The following ZBBX variants were observed in gnomAD, a reference collection of about 807,000 sequenced individuals.
ZBBX encodes zinc finger B-box domain containing.
In ZBBX, 101 loss-of-function variants were observed where a neutral mutation model predicts 108.5. The ratio of observed to expected loss-of-function variants is 0.93; its 90% CI spans 0.79 to 1.10. ZBBX has a LOEUF of 1.10. Among genes scored for constraint, ZBBX ranks in the 50% least tolerant of loss-of-function variants. ZBBX has a pLI of 0.00. For synonymous variants in ZBBX, 356 were observed against 323.4 expected, an observed-to-expected ratio of 1.10 and a Z score of -1.08; for missense variants, 1,009 against 941.4, an observed-to-expected ratio of 1.07 and a Z score of -0.94.
chr3:167,313,113 A>C lies in ZBBX; in HGVS notation c.1417+861T>G, dbSNP rs189072032. ...GACAGTGATTTAAAGGCACAAATGGAAACAAAATCTGACTCCTAGGCCAGG... is the reference window on the plus strand; with the variant it reads ...GACAGTGATTTAAAGGCACAAATGGCAACAAAATCTGACTCCTAGGCCAGG... On this transcript the variant is annotated intron_variant, in intron 16 of 21. Coordinates refer to ENST00000675490, the MANE Select transcript of ZBBX (RefSeq NM_001199201.2). Among the ~76,000 whole-genome samples, 67 of 152,296 alleles carry C rather than the reference A, an allele frequency of 4.4e-4. No homozygotes were observed. The East Asian group carries it at 4.8e-3, about 11-fold the overall frequency.
intron 18 of ZBBX, among the ~76,000 whole-genome samples, chr3:167,290,436 A>G (rs1576905586): frequency 6.6e-6 from 1 of 152,180 alleles, no homozygotes; most frequent in African/African-American, 2.4e-5. Context: ...AACTCCAGCA[A>G]ACACCAGCAG....
At chr3:167,232,215 T>C in the ZBBX span, among the ~76,000 whole-genome samples, 1 of 151,826 alleles carries the variant, frequency 6.6e-6, no homozygotes, top group African/African-American at 2.4e-5. Context: ...ATGAACTGTG[T>C]TTCACTAATA....
chr3:167,326,232 T>C (rs80339743), intron 11 of ZBBX, among the ~76,000 whole-genome samples: 1 of 152,170 alleles, frequency 6.6e-6, no homozygotes, highest in Non-Finnish European at 1.5e-5. Context: ...AGATGGCCAG[T>C]TGCCCATTAC....
intron 9 of ZBBX, among the ~76,000 whole-genome samples, chr3:167,350,106 GTGTT>G (rs1742368992): frequency 6.6e-6 from 1 of 151,890 alleles, no homozygotes; most frequent in Non-Finnish European, 1.5e-5. Flanking sequence ...AATAACCTAT[GTGTT>G]CATTTGAAAT....
intron 20 of ZBBX, among the ~76,000 whole-genome samples, chr3:167,246,478 T>C (rs1364064710): frequency 2.0e-5 from 3 of 152,214 alleles, no homozygotes; most frequent in Non-Finnish European, 2.9e-5. Context: ...TGGCCTATTG[T>C]CTAGTATCTG....
intron 20 of ZBBX, among the ~76,000 whole-genome samples, chr3:167,278,341 A>T (rs1417218145): frequency 1.3e-5 from 2 of 151,570 alleles, no homozygotes; most frequent in South Asian, 4.2e-4. Context: ...AACAAAATTG[A>T]TAAACCACTA....
chr3:167,250,546 T>TTA (rs397708930), intron 20 of ZBBX, among the ~76,000 whole-genome samples: 1 of 151,330 alleles, frequency 6.6e-6, no homozygotes, highest in African/African-American at 2.4e-5. Flanking sequence ...TTTTTTTTTT[T>TTA]ACTCTCAAGC....
the ZBBX span, among the ~76,000 whole-genome samples, chr3:167,181,908 T>A: frequency 0.013 from 2,030 of 152,286 alleles, 22 homozygotes; most frequent in South Asian, 0.026. Context: ...AAGGCTAACA[T>A]CTTTTGTGCA....
At chr3:167,306,022 A>C in intron 16 of ZBBX, 72 bp from the exon 17 acceptor site, 1 of 1,266,354 alleles carries the variant, frequency 7.9e-7, no homozygotes, top group Non-Finnish European at 1.0e-6. Flanking sequence ...TAATAAACCA[A>C]AAGTTCTGTG....
At chr3:167,316,724 CATATCT>C (rs1420842747) in intron 14 of ZBBX, among the ~76,000 whole-genome samples, 3 of 152,004 alleles carry the variant, frequency 2.0e-5, no homozygotes, top group Admixed American at 6.6e-5. Context: ...TATCAAACTA[CATATCT>C]ATAAGTTAAA....
chr3:167,182,611 G>T, the ZBBX span, among the ~76,000 whole-genome samples: 1 of 152,132 alleles, frequency 6.6e-6, no homozygotes, highest in Non-Finnish European at 1.5e-5. Flanking sequence ...CCAAAAGTTG[G>T]TCTGCAGTTA....
chr3:167,246,368 CA>C (rs574987432), intron 20 of ZBBX, among the ~76,000 whole-genome samples: 14 of 152,296 alleles, frequency 9.2e-5, no homozygotes, highest in Admixed American at 5.2e-4. Flanking sequence ...ATTAGATTAG[CA>C]CTTTTACAGT....
intron 1 of ZBBX, among the ~76,000 whole-genome samples, chr3:167,395,756 A>C (rs571426893): frequency 1.2e-4 from 19 of 152,040 alleles, no homozygotes; most frequent in Non-Finnish European, 2.4e-4. Context: ...ATTTTAGCTT[A>C]TTTTGCCTTT....
At chr3:167,219,351 A>C in the ZBBX span, among the ~76,000 whole-genome samples, 1 of 152,006 alleles carries the variant, frequency 6.6e-6, no homozygotes, top group East Asian at 1.9e-4. Context: ...CACATAAATT[A>C]TTTTCAAGGA....
chr3:167,394,632 C>A (rs1356000099), intron 1 of ZBBX, among the ~76,000 whole-genome samples: 1 of 151,660 alleles, frequency 6.6e-6, no homozygotes, highest in South Asian at 2.1e-4. Flanking sequence ...TTACACGGCC[C>A]AAAGAAGCAA....
chr3:167,332,368 A>G (rs1056247880), intron 10 of ZBBX, among the ~76,000 whole-genome samples: 2 of 152,050 alleles, frequency 1.3e-5, no homozygotes, highest in African/African-American at 4.8e-5. Flanking sequence ...ATGTTTCTCT[A>G]GTTGATTTTA....
chr3:167,259,438 A>G (rs1724079302), intron 20 of ZBBX, among the ~76,000 whole-genome samples: 1 of 151,918 alleles, frequency 6.6e-6, no homozygotes, highest in South Asian at 2.1e-4. Flanking sequence ...TGTTTCATTT[A>G]TCTTTTGTAT....
intron 9 of ZBBX, among the ~76,000 whole-genome samples, chr3:167,348,318 A>AAGAGAGAAAGAAAG (rs1408007010): frequency 1.3e-5 from 1 of 74,626 alleles, no homozygotes; most frequent in African/African-American, 6.0e-5. Context: ...AAGAAAGAGA[A>AAGAGAGAAAGAAAG]AGAAAGAAAG....
chr3:167,376,285 T>C (rs1175733710), intron 2 of ZBBX, among the ~76,000 whole-genome samples: 1 of 152,196 alleles, frequency 6.6e-6, no homozygotes, highest in Non-Finnish European at 1.5e-5. Flanking sequence ...TTTCATCAAA[T>C]AGCAGCTACC....
Sources: gnomAD v4.1 joint callset for allele counts (sites outside exome capture counted in the v4.1 genomes callset) on GRCh38, gnomAD v4.1.1 for gene constraint, MANE v1.5 for transcripts, NCBI Gene and HGNC (gene_info 2026-07-23, HGNC 2026-07-21) for gene names.